CC2D2A: variants seen among roughly 807,000 people sequenced by gnomAD.
CC2D2A encodes coiled-coil and C2 domain containing 2A.
A neutral mutation model predicts 212.9 loss-of-function variants in CC2D2A; 155 were observed. The ratio of observed to expected loss-of-function variants is 0.73; its 90% CI spans 0.64 to 0.83. CC2D2A has a LOEUF of 0.83. Ranked by LOEUF, CC2D2A falls within the 40% of genes least tolerant of loss-of-function variation. The probability of loss-of-function intolerance (pLI) is 0.00; values close to 1 mark genes in which losing one functional copy is unlikely to be tolerated. For missense variants in CC2D2A, 1,856 were observed against 1,956.2 expected (o/e 0.95, Z 0.97); for synonymous variants, 667 against 686.5 (o/e 0.97, Z 0.44).
At chr4:15,470,812 T>C (rs1326347007) in intron 1 of CC2D2A, among the ~76,000 whole-genome samples, 3 of 151,302 alleles carry the variant, frequency 2.0e-5, no homozygotes, top group Non-Finnish European at 4.4e-5. Flanking sequence ...AATTTAAGTT[T>C]AGAGTGTGCA....
At chr4:15,580,876 C>T (rs1023749677) in intron 30 of CC2D2A, among the ~76,000 whole-genome samples, 17 of 152,156 alleles carry the variant, frequency 1.1e-4, no homozygotes, top group African/African-American at 4.1e-4. Flanking sequence ...ATATGCATCA[C>T]TGAGTTCAAA....
intron 29 of CC2D2A, among the ~76,000 whole-genome samples, chr4:15,576,932 A>C (rs926241707): frequency 6.6e-6 from 1 of 152,192 alleles, no homozygotes; most frequent in Non-Finnish European, 1.5e-5. Flanking sequence ...TGCTTCTTAC[A>C]GTGTATCTCT....
chr4:15,542,838 C>G (rs905128299), intron 17 of CC2D2A, among the ~76,000 whole-genome samples: 1 of 152,142 alleles, frequency 6.6e-6, no homozygotes, highest in Non-Finnish European at 1.5e-5. Context: ...GGGTTCAATA[C>G]TGTGTATTGT....
intron 17 of CC2D2A, 37 bp downstream of exon 17, chr4:15,541,051 T>G: frequency 2.0e-6 from 3 of 1,486,940 alleles, no homozygotes; most frequent in Non-Finnish European, 2.7e-6. Flanking sequence ...CCGGGCACTG[T>G]GGCTCATGCC....
In CC2D2A at chr4:15,511,233, T is replaced by C. The variant is rs1369935862; in HGVS notation, c.541-14T>C. On this transcript the variant is annotated splice_polypyrimidine_tract_variant and intron_variant, in intron 7 of 36. Transcript: ENST00000424120. ...ATAAATGGGAAATTGCGATTGCTCCTTGCTTTTCGTTAGGTTCCACCTGGC... is the reference window on the plus strand; with the variant it reads ...ATAAATGGGAAATTGCGATTGCTCCCTGCTTTTCGTTAGGTTCCACCTGGC... The C allele has an allele frequency of 6.3e-7, 1 of 1,587,934 alleles. No individual in the cohort carries two copies. Among genetic ancestry groups the C allele is most frequent in the Non-Finnish European group, 8.6e-7 (1 of 1,168,590 alleles).
chr4:15,557,168 T>C (rs902805246), intron 20 of CC2D2A, 136 bp from the exon 21 acceptor site: 1 of 572,216 alleles, frequency 1.7e-6, no homozygotes, highest in African/African-American at 1.9e-5. Context: ...TGACTCATTA[T>C]TATTATATTT....
At chr4:15,524,747 G>A (rs959556367) in intron 11 of CC2D2A, among the ~76,000 whole-genome samples, 1 of 152,078 alleles carries the variant, frequency 6.6e-6, no homozygotes, top group Non-Finnish European at 1.5e-5. Context: ...CACCGCACCC[G>A]GCTTTAATTT....
chr4:15,539,945 AC>A (rs1718334717), intron 16 of CC2D2A, among the ~76,000 whole-genome samples: 2 of 152,220 alleles, frequency 1.3e-5, no homozygotes, highest in Non-Finnish European at 2.9e-5. Flanking sequence ...CCCTTTAATT[AC>A]TAGAGAATTT....
intron 32 of CC2D2A, among the ~76,000 whole-genome samples, chr4:15,588,561 G>A (rs1467567667): frequency 6.6e-6 from 1 of 152,168 alleles, no homozygotes; most frequent in Non-Finnish European, 1.5e-5. Context: ...TATCCAAAGA[G>A]GCCACAAGGC....
intron 14 of CC2D2A, 77 bp downstream of exon 14, chr4:15,533,410 T>A: frequency 9.0e-7 from 1 of 1,105,512 alleles, no homozygotes; most frequent in Non-Finnish European, 1.2e-6. Flanking sequence ...GATACAGTTT[T>A]AAAAGTAATT....
intron 7 of CC2D2A, 84 bp from the exon 8 acceptor site, chr4:15,511,163 C>G: frequency 7.1e-7 from 1 of 1,418,238 alleles, no homozygotes; most frequent in Non-Finnish European, 9.4e-7. Context: ...ATCTCATTAG[C>G]ATTAAGCCAG....
intron 16 of CC2D2A, among the ~76,000 whole-genome samples, chr4:15,538,923 G>T (rs1167119658): frequency 6.6e-6 from 1 of 152,112 alleles, no homozygotes; most frequent in Admixed American, 6.5e-5. Flanking sequence ...CTCAGGCCAG[G>T]CATGGTGGCT....
chr4:15,579,120 G>C (rs1720540500), intron 29 of CC2D2A, among the ~76,000 whole-genome samples: 1 of 152,090 alleles, frequency 6.6e-6, no homozygotes, highest in South Asian at 2.1e-4. Flanking sequence ...GTGTGTAAAG[G>C]AAATCTACAT....
At chr4:15,519,227 G>C (rs748796997) in intron 11 of CC2D2A, 1 of 328,478 alleles carries the variant, frequency 3.0e-6, no homozygotes, top group Non-Finnish European at 5.9e-6. Context: ...CAAATCTCTA[G>C]GGCAGAGGCA....
intron 17 of CC2D2A, among the ~76,000 whole-genome samples, chr4:15,547,114 GA>G (rs1718752585): frequency 6.6e-6 from 1 of 152,090 alleles, no homozygotes; most frequent in Non-Finnish European, 1.5e-5. Flanking sequence ...TTTTAGATGG[GA>G]AAAACAAAAC....
intron 1 of CC2D2A, among the ~76,000 whole-genome samples, chr4:15,474,161 A>G (rs1268465121): frequency 2.6e-5 from 4 of 152,170 alleles, no homozygotes; most frequent in African/African-American, 4.8e-5. Context: ...AGATAGGGAG[A>G]AACCAGCAAA....
At chr4:15,511,915 G>A (rs1414584290) in intron 8 of CC2D2A, among the ~76,000 whole-genome samples, 1 of 152,110 alleles carries the variant, frequency 6.6e-6, no homozygotes, top group Non-Finnish European at 1.5e-5. Context: ...CAAAGGTATT[G>A]AATAGACATT....
chr4:15,601,464 A>C lies in CC2D2A; in HGVS notation c.*39A>C. Reference sequence around the variant, plus strand: ...ACTTTCTGTATCATGTAAAAACTACACTTAGGATATGAGAAAATTTTAAAT... The same window carrying C: ...ACTTTCTGTATCATGTAAAAACTACCCTTAGGATATGAGAAAATTTTAAAT... On this transcript the variant is annotated 3_prime_UTR_variant, in exon 37 of 37. Coordinates refer to ENST00000424120, the MANE Select transcript of CC2D2A (RefSeq NM_001378615.1). 2.3e-6 allele frequency: 3 copies of C among 1,294,116 alleles called. No individual in the cohort carries two copies. The highest frequency in any genetic ancestry group is 3.1e-6 in the Non-Finnish European group (3 of 975,564). 80.2% of individuals were successfully genotyped at this position (1,294,116 alleles called of 1,614,324 possible).
chr4:15,482,624 C>T (rs540524272), intron 4 of CC2D2A, among the ~76,000 whole-genome samples: 1 of 152,254 alleles, frequency 6.6e-6, no homozygotes, highest in Admixed American at 6.5e-5. Flanking sequence ...CCTTAATTAC[C>T]TCCTACAGGT....
Sources: allele counts gnomAD v4.1 joint callset (sites outside exome capture counted in the v4.1 genomes callset), GRCh38; gene constraint gnomAD v4.1.1; transcripts MANE v1.5; gene names NCBI Gene and HGNC (gene_info 2026-07-23, HGNC 2026-07-21).